CLYBL: variants seen among roughly 807,000 people sequenced by gnomAD.
CLYBL encodes citramalyl-CoA lyase, mitochondrial.
CLYBL carries 31 observed loss-of-function variants against 38.9 expected under a neutral mutation model. The observed-to-expected ratio is 0.80, with a 90% CI of 0.60 to 1.08. The LOEUF (loss-of-function observed/expected upper bound fraction) is 1.08. CLYBL is among the 50% of genes least tolerant of loss of function. The pLI is 0.00. For synonymous variants in CLYBL, 171 were observed against 158.6 expected (o/e 1.08, Z -0.59); for missense variants, 434 against 411.6 (o/e 1.05, Z -0.47).
intron 1 of CLYBL, among the ~76,000 whole-genome samples, chr13:99,685,984 T>C (rs1594119262): frequency 6.6e-6 from 1 of 152,130 alleles, no homozygotes; most frequent in Non-Finnish European, 1.5e-5. Context: ...AAGAATCTCA[T>C]AGACATTTTT....
At chr13:99,797,560 T>TGTGTG (rs2050046535) in intron 2 of CLYBL, among the ~76,000 whole-genome samples, 27 of 141,706 alleles carry the variant, frequency 1.9e-4, no homozygotes. Context: ...TGTTAGCTGT[T>TGTGTG]TGTGTGTGTG....
chr13:99,833,028 ATATTTTTTTTTT>A (rs2050850115), intron 2 of CLYBL, among the ~76,000 whole-genome samples: 2 of 36,078 alleles, frequency 5.5e-5, no homozygotes, highest in East Asian at 3.7e-3. Context: ...ATATATATAT[ATATTTTTTTTTT>A]TTTTTTTTTT....
chr13:99,703,169 G>C (rs61974410), intron 1 of CLYBL, among the ~76,000 whole-genome samples: 101 of 152,050 alleles, frequency 6.6e-4, no homozygotes, highest in Non-Finnish European at 1.1e-3. Flanking sequence ...TTGTGTTTCC[G>C]GGGCTGGGCA....
chr13:99,833,337 G>A (rs1305171337), intron 2 of CLYBL, among the ~76,000 whole-genome samples: 6 of 151,342 alleles, frequency 4.0e-5, no homozygotes, highest in Non-Finnish European at 7.4e-5. Flanking sequence ...CACTGTGCCC[G>A]GCCAGTAGTT....
chr13:99,730,777 T>C (rs2139569614), intron 1 of CLYBL, among the ~76,000 whole-genome samples: 1 of 152,210 alleles, frequency 6.6e-6, no homozygotes, highest in Non-Finnish European at 1.5e-5. Flanking sequence ...CTCCCCATTC[T>C]TTCCCCTAAA....
intron 2 of CLYBL, among the ~76,000 whole-genome samples, chr13:99,802,706 G>C (rs2050158948): frequency 6.6e-6 from 1 of 152,180 alleles, no homozygotes; most frequent in Non-Finnish European, 1.5e-5. Context: ...GTGAGAGATA[G>C]ACAGTGTATT....
At chr13:99,837,298 A>AAATT (rs1298005834) in intron 2 of CLYBL, among the ~76,000 whole-genome samples, 1 of 152,006 alleles carries the variant, frequency 6.6e-6, no homozygotes, top group Non-Finnish European at 1.5e-5. Context: ...AAGTAAAGAA[A>AAATT]AATTAACCAG....
intron 1 of CLYBL, among the ~76,000 whole-genome samples, chr13:99,652,529 G>A (rs1340447362): frequency 6.6e-6 from 1 of 152,168 alleles, no homozygotes; most frequent in East Asian, 1.9e-4. Context: ...GCAATATAGT[G>A]AGACCCTATC....
intron 2 of CLYBL, among the ~76,000 whole-genome samples, chr13:99,778,428 T>C (rs1429672628): frequency 6.6e-6 from 1 of 152,238 alleles, no homozygotes; most frequent in Non-Finnish European, 1.5e-5. Flanking sequence ...TGTCACTTCA[T>C]TTTATATCTC....
chr13:99,845,552 G>A (rs1162314245), intron 2 of CLYBL, among the ~76,000 whole-genome samples: 1 of 152,168 alleles, frequency 6.6e-6, no homozygotes, highest in Non-Finnish European at 1.5e-5. Context: ...AATCAAATGC[G>A]GTGCCAGCCA....
chr13:99,731,679 A>G (rs998240071), intron 1 of CLYBL, among the ~76,000 whole-genome samples: 1 of 152,196 alleles, frequency 6.6e-6, no homozygotes, highest in Non-Finnish European at 1.5e-5. Flanking sequence ...AGGTGTTAGC[A>G]GGATGGCTCT....
chr13:99,642,742 C>G (rs566412796), intron 1 of CLYBL, among the ~76,000 whole-genome samples: 1 of 151,294 alleles, frequency 6.6e-6, no homozygotes, highest in South Asian at 2.1e-4. Context: ...GCCTGCTTCC[C>G]TCCCTCCCTC....
chr13:99,777,069 G>A (rs190197257), intron 2 of CLYBL, among the ~76,000 whole-genome samples: 165 of 152,030 alleles, frequency 1.1e-3, no homozygotes, highest in African/African-American at 3.7e-3. Flanking sequence ...AGGAGAGATG[G>A]GGTTTTACCA....
chr13:99,782,367 C>A (rs190717087), intron 2 of CLYBL, among the ~76,000 whole-genome samples: 10 of 151,980 alleles, frequency 6.6e-5, no homozygotes, highest in Non-Finnish European at 1.5e-4. Flanking sequence ...ATTAGCTGGG[C>A]GTGGTGGTGC....
intron 1 of CLYBL, among the ~76,000 whole-genome samples, chr13:99,650,882 A>G (rs1470134067): frequency 6.6e-6 from 1 of 152,120 alleles, no homozygotes; most frequent in African/African-American, 2.4e-5. Flanking sequence ...AGTGTTCTTT[A>G]CACCCTAACC....
chr13:99,823,078 A>C (rs2139039952), intron 2 of CLYBL, among the ~76,000 whole-genome samples: 1 of 152,240 alleles, frequency 6.6e-6, no homozygotes, highest in South Asian at 2.1e-4. Flanking sequence ...GCCATGTTTG[A>C]TTTGTATACT....
intron 1 of CLYBL, among the ~76,000 whole-genome samples, chr13:99,680,836 A>C (rs974942858): frequency 6.6e-6 from 1 of 152,206 alleles, no homozygotes; most frequent in East Asian, 1.9e-4. Context: ...CCCACTGCCT[A>C]AAACCTTAGT....
chr13:99,640,135 T>TA (rs2047073183), intron 1 of CLYBL, among the ~76,000 whole-genome samples: 1 of 152,230 alleles, frequency 6.6e-6, no homozygotes, highest in Non-Finnish European at 1.5e-5. Flanking sequence ...TTTTGTTTTT[T>TA]AATCATGAAA....
At chr13:99,864,355 T>A (rs1398558486) in intron 4 of CLYBL, among the ~76,000 whole-genome samples, 1 of 152,220 alleles carries the variant, frequency 6.6e-6, no homozygotes, top group East Asian at 1.9e-4. Flanking sequence ...ATTTTTATTT[T>A]CCCCTCCGGA....
Sources: gnomAD v4.1 joint callset for allele counts (sites outside exome capture counted in the v4.1 genomes callset) on GRCh38, gnomAD v4.1.1 for gene constraint, MANE v1.5 for transcripts, NCBI Gene and HGNC (gene_info 2026-07-23, HGNC 2026-07-21) for gene names.